HPR: variants seen among roughly 807,000 people sequenced by gnomAD.
HPR encodes the protein Haptoglobin-related locus.
Under a neutral mutation model 18.5 loss-of-function variants are expected in HPR, and 17 were observed. The observed-to-expected ratio is 0.92, with a 90% CI of 0.63 to 1.38. HPR has a LOEUF of 1.38. Among genes scored for constraint, HPR ranks in the 40% most tolerant of loss-of-function variants. The pLI is 0.00. For synonymous variants in HPR, 176 were observed against 165.0 expected, an observed-to-expected ratio of 1.07 and a Z score of -0.51; for missense variants, 457 against 432.4, an observed-to-expected ratio of 1.06 and a Z score of -0.51.
At position 72,073,660 on chromosome 16, in the gene HPR, G is replaced by A. The variant is rs541862691; in HGVS notation, c.6-232G>A. On this transcript the variant is annotated intron_variant, in intron 1 of 4. Coordinates refer to ENST00000540303, the MANE Select transcript of HPR (RefSeq NM_020995.4). ...ACAGAGCTTGCTGGAAGCTTGGTAT[G>A]CTCAGAAGCAGCTAAAGCGTGTATG... The A allele has an allele frequency of 1.4e-4, 192 of 1,397,096 alleles. 1 individual carries two copies. Among genetic ancestry groups the A allele is most frequent in the African/African-American group, 6.6e-4 (47 of 70,746 alleles). The allele number at this position is 1,397,096 out of a possible 1,614,324, so 86.5% of individuals were successfully genotyped here.
At chr16:72,071,935 T>C (rs1026601317) in intron 1 of HPR, among the ~76,000 whole-genome samples, 3 of 152,192 alleles carry the variant, frequency 2.0e-5, no homozygotes, top group African/African-American at 7.2e-5. Context: ...ACTGCAGGAT[T>C]TGAATCCACG....
intron 4 of HPR, among the ~76,000 whole-genome samples, chr16:72,075,845 T>TC (rs1184512802): frequency 6.6e-6 from 1 of 151,772 alleles, no homozygotes; most frequent in Non-Finnish European, 1.5e-5. Flanking sequence ...TTTTTTTTTT[T>TC]TTTGAGACAG....
intron 1 of HPR, among the ~76,000 whole-genome samples, chr16:72,070,496 A>G (rs779154687): frequency 1.2e-4 from 18 of 152,224 alleles, no homozygotes; most frequent in Non-Finnish European, 2.1e-4. Flanking sequence ...CAGTCCGAAC[A>G]GCAGAATGAG....
At chr16:72,075,300 G>A (rs1200246603) in intron 4 of HPR, 81 bp downstream of exon 4, 18 of 701,298 alleles carry the variant, frequency 2.6e-5, no homozygotes, top group Non-Finnish European at 3.7e-5. Context: ...CTTCCAGTGC[G>A]GCTTCCTCTG....
chr16:72,072,390 T>A (rs979493297), intron 1 of HPR, among the ~76,000 whole-genome samples: 3 of 152,034 alleles, frequency 2.0e-5, no homozygotes, highest in Non-Finnish European at 2.9e-5. Flanking sequence ...CCTGGGAAAA[T>A]AAAATAGCAT....
In HPR at chr16:72,076,539, A is replaced by G. The variant is rs767509362; in HGVS notation, c.505A>G (p.Lys169Glu). ...IAPTLTLYVG[K>E]KQLVEIEKVV... ...CCCTACTTTAACACTCTATGTGGGG[A>G]AAAAGCAGCTTGTAGAGATTGAGAA... The change falls in exon 5 of 5, where the codon AAA (lysine) becomes GAA (glutamate). Residue 169 changes from lysine (K) to glutamate (E), a missense_variant. Transcript: ENST00000540303. The G allele has an allele frequency of 3.7e-6, 6 of 1,614,186 alleles. No individual in the cohort carries two copies. Among genetic ancestry groups the G allele is most frequent in the Non-Finnish European group, 5.1e-6 (6 of 1,180,018 alleles).
intron 4 of HPR, among the ~76,000 whole-genome samples, chr16:72,075,816 T>C (rs1353621504): frequency 6.6e-6 from 1 of 151,930 alleles, no homozygotes; most frequent in Non-Finnish European, 1.5e-5. Flanking sequence ...TCCTAGCCCT[T>C]TCTTTTTTCT....
At chr16:72,072,587 A>T (rs1221316004) in intron 1 of HPR, among the ~76,000 whole-genome samples, 15 of 152,184 alleles carry the variant, frequency 9.9e-5, no homozygotes, top group Admixed American at 9.8e-4. Flanking sequence ...TTAATGGGAA[A>T]TTCTTTGGCA....
In HPR at chr16:72,076,855, C is replaced by G; in HGVS notation, c.821C>G (p.Pro274Arg). Residue 274 changes from proline to arginine, a missense_variant, in exon 5 of 5, where the codon CCC (proline) becomes CGC (arginine). By Grantham distance (103) the Pro-to-Arg change is moderately radical. Transcript: ENST00000540303. ...CCGAAGAGCCCTGTAGGGGTGCAGC[C>G]CATACTGAACGAACACACCTTCTGT... ...KAPKSPVGVQ[P>R]ILNEHTFCVG... 1 of 1,614,230 alleles carries G rather than the reference C, an allele frequency of 6.2e-7. No individual in the cohort carries two copies.
chr16:72,066,749 A>C (rs1222560214), intron 1 of HPR, among the ~76,000 whole-genome samples: 1 of 152,188 alleles, frequency 6.6e-6, no homozygotes, highest in African/African-American at 2.4e-5. Flanking sequence ...CAAAAATTGG[A>C]GGACTGAGAA....
Position 72,069,389 on chromosome 16 carries a change from A to G in HPR, c.6-4503A>G, listed in dbSNP as rs139113045. Among the ~76,000 whole-genome samples, 1,042 of 152,066 alleles carry G rather than the reference A, an allele frequency of 6.9e-3. 11 individuals carry two copies. Among genetic ancestry groups the G allele is most frequent in the African/African-American group, 0.024 (980 of 41,344 alleles). On this transcript the variant is annotated intron_variant, in intron 1 of 4. Transcript: ENST00000540303. ...GAGGAAATAACCTAACAAACCAGATAGCCAAACAAGCTGCTGTTTCCTCCG... is the reference window on the plus strand; with the variant it reads ...GAGGAAATAACCTAACAAACCAGATGGCCAAACAAGCTGCTGTTTCCTCCG...
At chr16:72,068,918 A>G (rs933242456) in intron 1 of HPR, among the ~76,000 whole-genome samples, 2 of 152,172 alleles carry the variant, frequency 1.3e-5, no homozygotes, top group African/African-American at 2.4e-5. Context: ...TTAATTGACT[A>G]CCAAACAAAA....
chr16:72,064,230 C>G (rs189292702), intron 1 of HPR, among the ~76,000 whole-genome samples: 88 of 152,284 alleles, frequency 5.8e-4, no homozygotes, highest in Non-Finnish European at 9.6e-4. Context: ...TGAATTATCA[C>G]AAAATACTAG....
chr16:72,072,042 C>A (rs1359575915), intron 1 of HPR, among the ~76,000 whole-genome samples: 1 of 151,106 alleles, frequency 6.6e-6, no homozygotes, highest in African/African-American at 2.4e-5. Flanking sequence ...GAGTTTTGCT[C>A]TTGTTGCCCA....
In HPR at chr16:72,076,983, C is replaced by T. The variant is rs470710; in HGVS notation, c.949C>T (p.Leu317=). ...EEDTWYAAGI[L]SFDKSCAVAE... ...GGACACCTGGTACGCGGCTGGGATC[C>T]TAAGCTTTGATAAGAGCTGTGCTGT... The change falls in exon 5 of 5, where the codon CTA becomes TTA. Residue 317 remains leucine, a synonymous_variant. Coordinates refer to ENST00000540303, the MANE Select transcript of HPR (RefSeq NM_020995.4). 1.9e-3 allele frequency: 3,108 copies of T among 1,613,882 alleles called. 25 individuals carry two copies. The highest frequency in any genetic ancestry group is 0.014 in the African/African-American group (1,014 of 74,806).
chr16:72,068,670 A>C (rs538625297), intron 1 of HPR, among the ~76,000 whole-genome samples: 1 of 152,212 alleles, frequency 6.6e-6, no homozygotes, highest in African/African-American at 2.4e-5. Context: ...TCCTGTCAAA[A>C]ATTTTGGACC....
rs752593461 is a variant in HPR, at chr16:72,076,285, T to A, written c.269-18T>A. 10 of 1,609,738 alleles carry A rather than the reference T, an allele frequency of 6.2e-6. 1 individual carries two copies. In the South Asian group the frequency reaches 1.1e-4, roughly 18 times the overall value. ...TCTTGCACATTTCCACTCACGAGTG[T>A]CTTGCTCTCCTTGACAGTATGTGGG... is the stretch of plus-strand genomic sequence containing the variant. On this transcript the variant is annotated intron_variant, in intron 4 of 4. Transcript: ENST00000540303.
intron 1 of HPR, among the ~76,000 whole-genome samples, chr16:72,072,002 C>A (rs2041661758): frequency 6.6e-6 from 1 of 151,724 alleles, no homozygotes; most frequent in South Asian, 2.1e-4. Context: ...ACATTTATTA[C>A]AACCAATGAT....
At chr16:72,065,632 A>G (rs2041589887) in intron 1 of HPR, among the ~76,000 whole-genome samples, 1 of 152,178 alleles carries the variant, frequency 6.6e-6, no homozygotes, top group Admixed American at 6.5e-5. Context: ...CAAACCCTCA[A>G]TCTTCTGGCC....
Sources: gnomAD v4.1 joint callset for allele counts (sites outside exome capture counted in the v4.1 genomes callset) on GRCh38, gnomAD v4.1.1 for gene constraint, MANE v1.5 for transcripts, NCBI Gene and HGNC (gene_info 2026-07-23, HGNC 2026-07-21) for gene names.